CENPM: variants seen among roughly 807,000 people sequenced by gnomAD.
CENPM encodes centromere protein M.
Under a neutral mutation model 19.6 loss-of-function variants are expected in CENPM, and 14 were observed. The observed-to-expected ratio is 0.71, with a 90% CI of 0.47 to 1.11. The LOEUF is 1.11. Among genes scored for constraint, CENPM ranks in the 50% most tolerant of loss-of-function variants. CENPM has a pLI of 0.00. For synonymous variants in CENPM, 114 were observed against 101.5 expected (o/e 1.12, Z -0.74); for missense variants, 239 against 228.4 (o/e 1.05, Z -0.30).
At chr22:41,946,574 C>G (rs539730391) in intron 1 of CENPM, 78 bp from the exon 2 acceptor site, 5 of 1,226,232 alleles carry the variant, frequency 4.1e-6, no homozygotes, top group East Asian at 4.9e-5. Flanking sequence ...TCGACCCACT[C>G]CCGGGGGGAT....
At chr22:41,928,194 CTG>C in the CENPM span, 1 of 418,370 alleles carries the variant, frequency 2.4e-6, no homozygotes, top group Non-Finnish European at 4.8e-6. The surrounding 1 kb of genome is among the most constrained non-coding windows in gnomAD (Gnocchi z 4.0). Flanking sequence ...GGAACTGTGA[CTG>C]CAGTGGAGGG....
downstream of CENPM, among the ~76,000 whole-genome samples, chr22:41,938,089 G>T (rs1007958261): frequency 6.7e-6 from 1 of 148,436 alleles, no homozygotes; most frequent in South Asian, 2.1e-4. Flanking sequence ...TGATCTGCCC[G>T]CCTCGGCCTC....
intron 3 of CENPM, 137 bp from the exon 4 acceptor site, chr22:41,945,441 C>G (rs948809781): frequency 7.1e-7 from 1 of 1,404,790 alleles, no homozygotes. Flanking sequence ...AAATATTTGT[C>G]CTTTAATTTT....
rs771006490 is a variant in CENPM, at chr22:41,939,196, C to T, written c.403G>A (p.Val135Met). Reference sequence around the variant, plus strand: ...GCCATGGTGGCCCTAAAGCCTTCCACCTGCGGGGAGAGCAGAGAACAGCAG... The same window carrying T: ...GCCATGGTGGCCCTAAAGCCTTCCATCTGCGGGGAGAGCAGAGAACAGCAG... ...QSPLLYCDLE[V>M]EGFRATMAQR... The change falls in exon 6 of 6, where the codon GTG (valine) becomes ATG (methionine). Residue 135 changes from valine (V) to methionine (M), a missense_variant and splice_region_variant. Coordinates refer to ENST00000215980, the MANE Select transcript of CENPM (RefSeq NM_024053.5). The T allele has an allele frequency of 6.2e-7, 1 of 1,609,646 alleles. No homozygotes were observed. Among genetic ancestry groups the T allele is most frequent in the Non-Finnish European group, 8.5e-7 (1 of 1,178,504 alleles).
the CENPM span, among the ~76,000 whole-genome samples, chr22:41,931,520 G>A: frequency 3.3e-5 from 5 of 151,892 alleles, no homozygotes; most frequent in Admixed American, 3.3e-4. Context: ...AGATAGTTTG[G>A]GGTCTTCAGA....
chr22:41,933,173 C>T, the CENPM span, among the ~76,000 whole-genome samples: 5 of 152,144 alleles, frequency 3.3e-5, no homozygotes, highest in Non-Finnish European at 4.4e-5. Flanking sequence ...AAGGGCTGTG[C>T]GCAAAGCATC....
At chr22:41,943,544 C>T in intron 5 of CENPM, 66 bp downstream of exon 5, 9 of 1,400,196 alleles carry the variant, frequency 6.4e-6, no homozygotes, top group Non-Finnish European at 9.0e-6. Context: ...AATGTGCCCA[C>T]TGTGTGCTGA....
intron 1 of CENPM, 106 bp downstream of exon 1, chr22:41,946,914 G>C: frequency 8.5e-7 from 1 of 1,173,596 alleles, no homozygotes; most frequent in Non-Finnish European, 1.3e-6. Flanking sequence ...CCCCCGCCAC[G>C]GTAGCGCGCG....
At chr22:41,934,379 C>G (rs1225341456), downstream of CENPM, among the ~76,000 whole-genome samples, 2 of 152,190 alleles carry the variant, frequency 1.3e-5, no homozygotes, top group Admixed American at 1.3e-4. Context: ...AGCTCTACTC[C>G]TCTAAGAGTG....
downstream of CENPM, among the ~76,000 whole-genome samples, chr22:41,937,585 G>T (rs1021020525): frequency 6.6e-6 from 1 of 152,188 alleles, no homozygotes; most frequent in Non-Finnish European, 1.5e-5. Flanking sequence ...TGTTCACTGA[G>T]TGCCTACCTA....
Position 41,945,323 on chromosome 22 carries a change from G to C in CENPM, c.231-19C>G. ...CTGGAGACTGGGGTGGCCAGGCCAG[G>C]GTGAGAAAACAAACCAGAGAACAAA... is the stretch of plus-strand genomic sequence containing the variant. On this transcript the variant is annotated intron_variant, in intron 3 of 5. Coordinates refer to ENST00000215980, the MANE Select transcript of CENPM (RefSeq NM_024053.5). 1 of 1,613,850 alleles carries C rather than the reference G, an allele frequency of 6.2e-7. No individual in the cohort carries two copies. The highest frequency in any genetic ancestry group is 8.5e-7 in the Non-Finnish European group (1 of 1,179,976).
At position 41,946,575 on chromosome 22, in the gene CENPM, C is replaced by T. The variant is rs1015132759; in HGVS notation, c.58-79G>A. On this transcript the variant is annotated intron_variant, in intron 1 of 5. Coordinates refer to ENST00000215980, the MANE Select transcript of CENPM (RefSeq NM_024053.5). ...GAGGGCCTGGCCCTTCGACCCACTCCCGGGGGGATCGGGACACCGCCAGCA... is the reference window on the plus strand; with the variant it reads ...GAGGGCCTGGCCCTTCGACCCACTCTCGGGGGGATCGGGACACCGCCAGCA... 52 of 1,207,904 alleles carry T rather than the reference C, an allele frequency of 4.3e-5. No homozygotes were observed. In the Middle Eastern group the frequency reaches 1.0e-3, roughly 24 times the overall value. The allele number at this position is 1,207,904 out of a possible 1,614,324, so 74.8% of individuals were successfully genotyped here.
downstream of CENPM, among the ~76,000 whole-genome samples, chr22:41,936,810 C>T (rs1390030091): frequency 6.6e-6 from 1 of 152,200 alleles, no homozygotes; most frequent in Non-Finnish European, 1.5e-5. Context: ...CACCTGTAAT[C>T]TCAGCTGCTC....
downstream of CENPM, among the ~76,000 whole-genome samples, chr22:41,936,864 C>G (rs2077686077): frequency 6.6e-6 from 1 of 152,108 alleles, no homozygotes; most frequent in South Asian, 2.1e-4. Context: ...GGAGCAGAGG[C>G]TGCAGTGAGT....
the CENPM span, among the ~76,000 whole-genome samples, chr22:41,931,466 C>T: frequency 6.0e-5 from 9 of 150,430 alleles, no homozygotes; most frequent in South Asian, 1.5e-3. Flanking sequence ...GCTGACAGAG[C>T]GAGACCCCAT....
chr22:41,946,587 G>A, intron 1 of CENPM, 91 bp from the exon 2 acceptor site: 1 of 1,050,534 alleles, frequency 9.5e-7, no homozygotes, highest in Non-Finnish European at 1.4e-6. Context: ...GGGGGGATCG[G>A]GACACCGCCA....
chr22:41,939,455 A>C (rs1200600571), intron 5 of CENPM, among the ~76,000 whole-genome samples: 4 of 152,304 alleles, frequency 2.6e-5, no homozygotes, highest in Admixed American at 2.6e-4. Context: ...ATGAAGGCTT[A>C]ACAAGGCTGG....
intron 5 of CENPM, among the ~76,000 whole-genome samples, chr22:41,941,387 G>A (rs1263156953): frequency 1.3e-5 from 2 of 152,162 alleles, no homozygotes; most frequent in Non-Finnish European, 2.9e-5. Context: ...CTGCTGCGGC[G>A]GGAACCAGGC....
At chr22:41,945,367 C>T in intron 3 of CENPM, 63 bp from the exon 4 acceptor site, 1 of 1,604,178 alleles carries the variant, frequency 6.2e-7, no homozygotes, top group Non-Finnish European at 8.5e-7. Flanking sequence ...ACGGAGAAAG[C>T]AGAAGTCCTT....
Sources: allele counts gnomAD v4.1 joint callset (sites outside exome capture counted in the v4.1 genomes callset), GRCh38; gene constraint gnomAD v4.1.1; non-coding constraint Gnocchi (gnomAD v3.1); transcripts MANE v1.5; gene names NCBI Gene and HGNC (gene_info 2026-07-23, HGNC 2026-07-21).